Variants in SLC17A6 observed in about 807,000 individuals in gnomAD.
SLC17A6 encodes the protein vesicular glutamate transporter 2.
A neutral mutation model predicts 67.1 loss-of-function variants in SLC17A6; 35 were observed. That is an observed-to-expected ratio of 0.52 (90% CI 0.40 to 0.69). The LOEUF (loss-of-function observed/expected upper bound fraction) is 0.69, where lower values mean the gene tolerates loss of function less well. SLC17A6 is among the 30% of genes least tolerant of loss of function. The pLI is 0.00. For missense variants in SLC17A6, 588 were observed against 723.9 expected, an observed-to-expected ratio of 0.81 and a Z score of 2.15; for synonymous variants, 285 against 252.3, an observed-to-expected ratio of 1.13 and a Z score of -1.23.
rs1291226979 is a variant in SLC17A6, at chr11:22,368,332, A to T, written c.892-1707A>T. Among the ~76,000 whole-genome samples, 7 of 152,062 alleles carry T rather than the reference A, an allele frequency of 4.6e-5. No homozygotes were observed. The East Asian group carries it at 1.3e-3, about 29-fold the overall frequency. ...GATCAAGAATCACACATTGCAACTT[A>T]TTGCAAAGTCTTTTAAATCTGTTTT... is the stretch of plus-strand genomic sequence containing the variant. On this transcript the variant is annotated intron_variant, in intron 7 of 11. Transcript: ENST00000263160.
In SLC17A6 at chr11:22,366,677, C is replaced by A. The variant is rs200684308; in HGVS notation, c.891+988C>A. Among the ~76,000 whole-genome samples, 40 of 152,134 alleles carry A rather than the reference C, an allele frequency of 2.6e-4. No homozygotes were observed. In the East Asian group the frequency reaches 7.2e-3, roughly 27 times the overall value. On this transcript the variant is annotated intron_variant, in intron 7 of 11. Transcript: ENST00000263160. ...GATACATTGTACATAGTAATTAATA[C>A]AAAAGCCACCTGATGTTATATTTTA...
intron 8 of SLC17A6, among the ~76,000 whole-genome samples, chr11:22,371,325 T>C (rs1031245726): frequency 3.3e-5 from 5 of 152,208 alleles, no homozygotes; most frequent in South Asian, 4.2e-4. Flanking sequence ...CTTGAAAGAC[T>C]ATCTGAGACC....
chr11:22,360,467 A>G lies in SLC17A6; in HGVS notation c.574-430A>G, dbSNP rs548523873. On this transcript the variant is annotated intron_variant, in intron 4 of 11. Coordinates refer to ENST00000263160, the MANE Select transcript of SLC17A6 (RefSeq NM_020346.3). ...ACAAACCTGCATATCCTGCACATGT[A>G]CCCCAGAACTTAAAAAAATAATAAT... Among the ~76,000 whole-genome samples, 11 of 151,628 alleles carry G rather than the reference A, an allele frequency of 7.3e-5. No homozygotes were observed. The East Asian group carries it at 2.1e-3, about 29-fold the overall frequency.
At chr11:22,367,078 C>T (rs190908427) in intron 7 of SLC17A6, among the ~76,000 whole-genome samples, 10 of 150,008 alleles carry the variant, frequency 6.7e-5, no homozygotes, top group Non-Finnish European at 1.2e-4. Flanking sequence ...AGGCATTAGG[C>T]GATCTGATCA....
At chr11:22,342,928 C>A (rs1049808391) in intron 2 of SLC17A6, 3 of 489,372 alleles carry the variant, frequency 6.1e-6, no homozygotes, top group African/African-American at 1.9e-5. Context: ...CAAATCTCTT[C>A]ATGGGGAGTC....
rs1231376701 is a variant in SLC17A6, at chr11:22,341,546, A to T, written c.105A>T (p.Gln35His). 6.2e-7 allele frequency: 1 copy of T among 1,613,832 alleles called. No homozygotes were observed. The highest frequency in any genetic ancestry group is 2.2e-5 in the East Asian group (1 of 44,848). ...GQIYRVLEKK[Q>H]DTGETIELTE... ...CGCGCAGGGTGCTGGAGAAGAAGCA[A>T]GACACCGGGGAGACAATCGAGCTGA... is the stretch of plus-strand genomic sequence containing the variant. Residue 35 changes from glutamine to histidine, a missense_variant, in exon 2 of 12, where the codon CAA becomes CAT. Transcript: ENST00000263160.
Position 22,344,948 on chromosome 11 carries a change from A to G in SLC17A6, c.458+1583A>G, listed in dbSNP as rs904175927. 4.8e-4 allele frequency among the ~76,000 whole-genome samples: 73 copies of G among 152,252 alleles called. 1 individual carries two copies. The highest frequency in any genetic ancestry group is 1.6e-3 in the African/African-American group (68 of 41,552). On this transcript the variant is annotated intron_variant, in intron 3 of 11. Transcript: ENST00000263160. ...AAGTTTTCAGAAAGATACCCTAAAC[A>G]TACATGCATGGAATGTTTTCACTGC...
rs140563330 is a variant in SLC17A6, at chr11:22,338,580, T to G, written c.47T>G (p.Leu16Arg). 32 of 1,613,874 alleles carry G rather than the reference T, an allele frequency of 2.0e-5. No homozygotes were observed. The African/African-American group carries it at 4.1e-4, about 21-fold the overall frequency. ...QRILAPGKEG[L>R]KNFAGKSLGQ... ...ATTTTGGCCCCAGGAAAAGAGGGGC[T>G]AAAGAATTTTGCTGGAAAATCACTC... Residue 16 changes from leucine (L) to arginine (R), a missense_variant, in exon 1 of 12, where the codon CTA becomes CGA. Leu to Arg is a moderately radical substitution (Grantham distance 102, BLOSUM62 -2). Transcript: ENST00000263160.
Position 22,374,917 on chromosome 11 carries a change from T to C in SLC17A6, c.1174+30T>C, listed in dbSNP as rs759247234. On this transcript the variant is annotated intron_variant, in intron 9 of 11. Transcript: ENST00000263160. ...GTACATAAGTGGCACTAAGGACATGTTTTTAGTTCAATCAGTTTAACCTAC... is the reference window on the plus strand; with the variant it reads ...GTACATAAGTGGCACTAAGGACATGCTTTTAGTTCAATCAGTTTAACCTAC... The C allele has an allele frequency of 1.6e-5, 25 of 1,586,184 alleles. No homozygotes were observed. The African/African-American group carries it at 2.8e-4, about 18-fold the overall frequency.
chr11:22,343,036 C>T (rs1199031241), intron 2 of SLC17A6: 1 of 614,100 alleles, frequency 1.6e-6, no homozygotes, highest in African/African-American at 1.9e-5. Flanking sequence ...CGCCTGGCCT[C>T]ACTATTAATC....
intron 8 of SLC17A6, among the ~76,000 whole-genome samples, chr11:22,371,544 C>T (rs1191449376): frequency 1.3e-5 from 2 of 151,116 alleles, no homozygotes; most frequent in South Asian, 4.2e-4. Flanking sequence ...TGGAGGTGTG[C>T]GTCCATTTTC....
At chr11:22,364,903 C>A (rs912958275) in intron 6 of SLC17A6, among the ~76,000 whole-genome samples, 1 of 151,896 alleles carries the variant, frequency 6.6e-6, no homozygotes. Flanking sequence ...TTTTGTCTGC[C>A]CAAAGAAGGA....
chr11:22,346,454 G>T (rs553652463), intron 3 of SLC17A6, among the ~76,000 whole-genome samples: 1 of 152,224 alleles, frequency 6.6e-6, no homozygotes, highest in East Asian at 1.9e-4. Flanking sequence ...GTCAGGAGGG[G>T]AGTAAACCCA....
In SLC17A6 at chr11:22,341,786, C is replaced by T. The variant is rs925534030; in HGVS notation, c.339+6C>T. 1 of 1,612,858 alleles carries T rather than the reference C, an allele frequency of 6.2e-7. No homozygotes were observed. The highest frequency in any genetic ancestry group is 8.5e-7 in the Non-Finnish European group (1 of 1,179,122). On this transcript the variant is annotated splice_donor_region_variant and intron_variant, in intron 2 of 11. Transcript: ENST00000263160. ...GGGGCAAGGTCATCAAGGAGGTGGG[C>T]AACGTCTGGCCGCCCTGGCTCCTGC...
intron 3 of SLC17A6, among the ~76,000 whole-genome samples, chr11:22,344,810 A>T (rs536665902): frequency 2.2e-4 from 34 of 152,336 alleles, no homozygotes; most frequent in Admixed American, 3.9e-4. Context: ...AATTAAAGAC[A>T]TTCTGTCAAA....
intron 1 of SLC17A6, 101 bp downstream of exon 1, chr11:22,338,720 C>A: frequency 1.2e-6 from 1 of 861,242 alleles, no homozygotes; most frequent in South Asian, 1.5e-5. Flanking sequence ...GTAATATGAT[C>A]GGAAAGTCTT....
intron 8 of SLC17A6, 130 bp downstream of exon 8, chr11:22,370,318 C>T: frequency 1.4e-6 from 1 of 736,462 alleles, no homozygotes; most frequent in Non-Finnish European, 2.1e-6. Context: ...CAAATAACTG[C>T]TAGGAAATAG....
At chr11:22,355,105 C>T (rs1855981984) in intron 3 of SLC17A6, among the ~76,000 whole-genome samples, 1 of 151,990 alleles carries the variant, frequency 6.6e-6, no homozygotes, top group Admixed American at 6.6e-5. Context: ...CTTCAAATAA[C>T]TCATAGGTTC....
intron 5 of SLC17A6, among the ~76,000 whole-genome samples, chr11:22,361,562 C>A (rs1856053316): frequency 6.6e-6 from 1 of 152,004 alleles, no homozygotes; most frequent in African/African-American, 2.4e-5. Context: ...TTCTCCTAAG[C>A]ACTGTTGCTA....
Sources: gnomAD v4.1 joint callset for allele counts (sites outside exome capture counted in the v4.1 genomes callset) on GRCh38, gnomAD v4.1.1 for gene constraint, MANE v1.5 for transcripts, NCBI Gene and HGNC (gene_info 2026-07-23, HGNC 2026-07-21) for gene names.